Variants in PCDHA3 observed in about 807,000 individuals in gnomAD.
The protein encoded by PCDHA3 is protocadherin alpha-3.
PCDHA3 carries 41 observed loss-of-function variants against 62.2 expected under a neutral mutation model. The observed-to-expected ratio is 0.66, with a 90% CI of 0.51 to 0.86. The LOEUF is 0.86. Ranked by LOEUF, PCDHA3 falls within the 40% of genes least tolerant of loss-of-function variation. The probability of loss-of-function intolerance (pLI) is 0.00; values close to 1 mark genes in which losing one functional copy is unlikely to be tolerated. For missense variants in PCDHA3, 1,304 were observed against 1,241.2 expected, an observed-to-expected ratio of 1.05 and a Z score of -0.76; for synonymous variants, 640 against 555.4, an observed-to-expected ratio of 1.15 and a Z score of -2.14.
intron 1 of PCDHA3, among the ~76,000 whole-genome samples, chr5:140,961,483 G>A (rs1365864551): frequency 6.6e-6 from 1 of 152,090 alleles, no homozygotes; most frequent in Non-Finnish European, 1.5e-5. Context: ...TCTTGTCCAC[G>A]TGAGTATATT....
intron 1 of PCDHA3, chr5:140,862,442 C>A: frequency 2.8e-6 from 1 of 361,562 alleles, no homozygotes. Flanking sequence ...CGTTGGTACT[C>A]CACAGCGCCC....
chr5:140,891,756 G>A (rs782304941), intron 1 of PCDHA3, among the ~76,000 whole-genome samples: 20 of 152,144 alleles, frequency 1.3e-4, no homozygotes, highest in Non-Finnish European at 2.5e-4. Flanking sequence ...AACAGTGTTG[G>A]GAGGTGGGGA....
At chr5:140,922,144 A>C (rs906517842) in intron 1 of PCDHA3, among the ~76,000 whole-genome samples, 5 of 151,922 alleles carry the variant, frequency 3.3e-5, no homozygotes, top group African/African-American at 1.2e-4. Flanking sequence ...TCCTCCATGA[A>C]ACTCATCAAA....
chr5:140,885,509 T>C (rs1020233501), intron 1 of PCDHA3, among the ~76,000 whole-genome samples: 36 of 152,208 alleles, frequency 2.4e-4, no homozygotes, highest in Admixed American at 1.4e-3. Flanking sequence ...TGAACCATGC[T>C]GTGCTATCAT....
chr5:140,985,895 A>G (rs782549334), intron 3 of PCDHA3, among the ~76,000 whole-genome samples: 16 of 150,016 alleles, frequency 1.1e-4, no homozygotes, highest in Non-Finnish European at 1.5e-4. Flanking sequence ...GCCCGCCACC[A>G]CTCCCGTCTA....
chr5:140,802,922 C>G lies in PCDHA3; in HGVS notation c.1725C>G (p.Gly575=), dbSNP rs1763062929. ...LLMPRVGGIG[G]AVSELVPRSV... Reference sequence around the variant, plus strand: ...TGCCTCGGGTGGGTGGCATCGGTGGCGCAGTGAGCGAGCTGGTGCCGCGGT... The same window carrying G: ...TGCCTCGGGTGGGTGGCATCGGTGGGGCAGTGAGCGAGCTGGTGCCGCGGT... The change falls in exon 1 of 4, where the codon GGC becomes GGG. Residue 575 remains glycine, a synonymous_variant. Coordinates refer to ENST00000522353, the MANE Select transcript of PCDHA3 (RefSeq NM_018906.3). The G allele has an allele frequency of 1.2e-6, 2 of 1,613,734 alleles. No homozygotes were observed. Among genetic ancestry groups the G allele is most frequent in the Non-Finnish European group, 8.5e-7 (1 of 1,179,872 alleles).
At chr5:140,985,729 T>C (rs1314785007) in intron 3 of PCDHA3, among the ~76,000 whole-genome samples, 2 of 149,858 alleles carry the variant, frequency 1.3e-5, no homozygotes, top group Non-Finnish European at 3.0e-5. Flanking sequence ...TTTCCTTCAC[T>C]GATGAATTCC....
chr5:140,895,021 G>T (rs956122734), intron 1 of PCDHA3, among the ~76,000 whole-genome samples: 3 of 151,838 alleles, frequency 2.0e-5, no homozygotes, highest in Non-Finnish European at 4.4e-5. Context: ...TTTTTCCTTT[G>T]TTTAATTGTC....
chr5:140,824,102 C>T (rs2150132175), intron 1 of PCDHA3: 1 of 1,614,116 alleles, frequency 6.2e-7, no homozygotes. Context: ...CCAAGCCTTC[C>T]TCAGGGTCCC....
At chr5:140,841,789 C>A (rs2150322679) in intron 1 of PCDHA3, 20 of 1,613,730 alleles carry the variant, frequency 1.2e-5, no homozygotes, top group Non-Finnish European at 1.6e-5. Context: ...CGCTAGAGGG[C>A]GCGTCCGATG....
chr5:140,807,838 A>G, intron 1 of PCDHA3: 2 of 1,614,184 alleles, frequency 1.2e-6, no homozygotes, highest in East Asian at 4.5e-5. Flanking sequence ...CCACTGATGG[A>G]GGCAAACCCG....
intron 1 of PCDHA3, chr5:140,829,405 C>T: frequency 2.5e-6 from 4 of 1,614,154 alleles, no homozygotes; most frequent in Non-Finnish European, 3.4e-6. Context: ...TGTGGGCCAC[C>T]GCCAGCTTGT....
chr5:140,815,636 TTC>T (rs1765771422), intron 1 of PCDHA3: 1 of 152,144 alleles, frequency 6.6e-6, no homozygotes, highest in Non-Finnish European at 1.5e-5. Flanking sequence ...TATTATAGTA[TTC>T]TGTTTTTATC....
In PCDHA3 at chr5:140,917,330, A is replaced by T. The variant is rs155802; in HGVS notation, c.2395-61619A>T. On this transcript the variant is annotated intron_variant, in intron 1 of 3. Coordinates refer to ENST00000522353, the MANE Select transcript of PCDHA3 (RefSeq NM_018906.3). The stretch of plus-strand genomic sequence containing the variant: ...CAATTTGGTGTTCATGTGGCGGGGG[A>T]GGGGGGGGATGGTGTAGGCTTCTGT... Among the ~76,000 whole-genome samples, 56 of 103,230 alleles carry T rather than the reference A, an allele frequency of 5.4e-4. 2 individuals are homozygous for T. In the South Asian group the frequency reaches 0.01, roughly 19 times the overall value. The allele number at this position is 103,230 out of a possible 152,430, so 67.7% of individuals were successfully genotyped here.
At chr5:140,882,701 T>C in intron 1 of PCDHA3, 2 of 1,614,138 alleles carry the variant, frequency 1.2e-6, no homozygotes, top group South Asian at 1.1e-5. Context: ...CATTGCAGAA[T>C]CTAGACCTCC....
intron 1 of PCDHA3, chr5:140,966,707 A>G (rs539562297): frequency 7.2e-7 from 1 of 1,379,868 alleles, no homozygotes; most frequent in Admixed American, 3.5e-5. Context: ...GGCGTGGGGC[A>G]CGGCTGGGGA....
chr5:140,985,619 G>C (rs961379624), intron 3 of PCDHA3, among the ~76,000 whole-genome samples: 2 of 152,064 alleles, frequency 1.3e-5, no homozygotes, highest in African/African-American at 2.4e-5. Context: ...TGAACCAGCT[G>C]TGTATTGCTC....
At chr5:140,912,674 A>G (rs184432134) in intron 1 of PCDHA3, among the ~76,000 whole-genome samples, 14 of 152,238 alleles carry the variant, frequency 9.2e-5, no homozygotes, top group Admixed American at 7.2e-4. Flanking sequence ...GGCATCCTTG[A>G]CTTATTCCAG....
intron 1 of PCDHA3, among the ~76,000 whole-genome samples, chr5:140,970,086 G>T (rs1263388270): frequency 6.6e-6 from 1 of 152,102 alleles, no homozygotes; most frequent in Non-Finnish European, 1.5e-5. Flanking sequence ...TTAGGGGTGT[G>T]GGGGGATGGT....
Sources: allele counts gnomAD v4.1 joint callset (sites outside exome capture counted in the v4.1 genomes callset), GRCh38; gene constraint gnomAD v4.1.1; transcripts MANE v1.5; gene names NCBI Gene and HGNC (gene_info 2026-07-23, HGNC 2026-07-21).